The following CCNK variants were observed in gnomAD, a reference collection of about 807,000 sequenced individuals.
CCNK encodes the protein cyclin-K.
In CCNK, 9 loss-of-function variants were observed where a neutral mutation model predicts 65.0. That is an observed-to-expected ratio of 0.14 (90% confidence interval 0.08 to 0.24). CCNK has a LOEUF of 0.24. Among genes scored for constraint, CCNK ranks in the 10% least tolerant of loss-of-function variants. The pLI is 1.00. For missense variants in CCNK, 474 were observed against 720.0 expected (o/e 0.66, Z 3.91); for synonymous variants, 279 against 270.8 (o/e 1.03, Z -0.30).
At chr14:99,500,460 G>A (rs982144096) in intron 4 of CCNK, 10 of 203,228 alleles carry the variant, frequency 4.9e-5, no homozygotes, top group South Asian at 1.6e-4. Context: ...TATCAATAAC[G>A]TAAAGATCTG....
At chr14:99,505,425 A>G (rs1434964988) in intron 9 of CCNK, 1 of 152,272 alleles carries the variant, frequency 6.6e-6, no homozygotes, top group Non-Finnish European at 1.5e-5. Context: ...GATTTCCAAG[A>G]AAGGAGAACG....
chr14:99,493,391 C>G, intron 2 of CCNK, 123 bp from the exon 3 acceptor site: 1 of 562,714 alleles, frequency 1.8e-6, no homozygotes, highest in Non-Finnish European at 3.1e-6. Context: ...CATTACTTTG[C>G]CACTAATATT....
At chr14:99,490,679 G>C (rs1268467969) in intron 1 of CCNK, among the ~76,000 whole-genome samples, 1 of 152,064 alleles carries the variant, frequency 6.6e-6, no homozygotes, top group African/African-American at 2.4e-5. Flanking sequence ...TGTAATTCCA[G>C]CACTTTGGGA....
At chr14:99,500,316 A>G (rs1474416807) in intron 4 of CCNK, 7 of 190,572 alleles carry the variant, frequency 3.7e-5, no homozygotes, top group Non-Finnish European at 6.5e-5. Context: ...ACACACTGGT[A>G]CAATTTATCT....
Position 99,502,961 on chromosome 14 carries a change from C to G in CCNK, c.988C>G (p.Pro330Ala). 6.2e-7 allele frequency: 1 copy of G among 1,613,990 alleles called. No homozygotes were observed. Among genetic ancestry groups the G allele is most frequent in the Non-Finnish European group, 8.5e-7 (1 of 1,179,896 alleles). ...GAAACCCTCTCCGCAGCCCAGTTCT[C>G]CCCGACAGGTTAAGCGAGCCGTGGT... Reference protein sequence around the residue: ...PKKPSPQPSSPRQVKRAVVVS... With the variant: ...PKKPSPQPSSARQVKRAVVVS... The change falls in exon 8 of 11, where the codon CCC (proline) becomes GCC (alanine). Residue 330 changes from proline to alanine, a missense_variant. Physicochemically the swap from Pro to Ala is conservative, Grantham distance 27 (BLOSUM62 -1). Around this residue, in one of 6 missense-constraint regions of CCNK, gnomAD observed 229 missense variants for 275.5 expected, o/e 0.83. Coordinates refer to ENST00000389879, the MANE Select transcript of CCNK (RefSeq NM_001099402.2).
At chr14:99,503,761 C>G in intron 9 of CCNK, 117 bp downstream of exon 9, 1 of 864,060 alleles carries the variant, frequency 1.2e-6, no homozygotes, top group Non-Finnish European at 1.8e-6. Context: ...AACTTTAGAG[C>G]TCATACAAAA....
intron 4 of CCNK, among the ~76,000 whole-genome samples, chr14:99,497,165 G>A (rs1049990122): frequency 5.3e-5 from 8 of 151,988 alleles, no homozygotes; most frequent in East Asian, 3.9e-4. Context: ...TTGGACATAC[G>A]TATAGTAACA....
At chr14:99,503,721 C>T (rs776103620) in intron 9 of CCNK, 77 bp downstream of exon 9, 7 of 1,272,944 alleles carry the variant, frequency 5.5e-6, no homozygotes, top group Non-Finnish European at 7.7e-6. Context: ...AACATTGTTT[C>T]TTTTCAGATC....
Position 99,500,871 on chromosome 14 carries a change from G to T in CCNK, c.517G>T (p.Gly173Cys). 1 of 1,507,436 alleles carries T rather than the reference G, an allele frequency of 6.6e-7. No individual in the cohort carries two copies. The highest frequency in any genetic ancestry group is 2.2e-5 in the Admixed American group (1 of 45,338). 93.4% of individuals were successfully genotyped at this position (1,507,436 alleles called of 1,614,324 possible). A position where few individuals can be genotyped will look rare whatever the true frequency, so the allele number is the denominator to read the frequency against. ...FLLKYAKQLK[G>C]DKNKIQKLVQ... ...ACTAAAATATGCAAAGCAACTCAAA[G>T]GTAAGAAGAAAGTTTTCAGAAGAAT... Residue 173 changes from glycine (G) to cysteine (C), a missense_variant and splice_region_variant, in exon 5 of 11, where the codon GGT (glycine) becomes TGT (cysteine). Physicochemically the swap from Gly to Cys is radical, Grantham distance 159. Coordinates refer to ENST00000389879, the MANE Select transcript of CCNK (RefSeq NM_001099402.2).
intron 4 of CCNK, among the ~76,000 whole-genome samples, chr14:99,496,450 C>T (rs889916914): frequency 1.3e-5 from 2 of 152,198 alleles, no homozygotes; most frequent in African/African-American, 4.8e-5. Context: ...GTGGCTCACG[C>T]CTGTAATCCC....
Position 99,501,256 on chromosome 14 carries a change from T to C in CCNK, c.518-100T>C, listed in dbSNP as rs892518510. On this transcript the variant is annotated intron_variant, in intron 5 of 10. Coordinates refer to ENST00000389879, the MANE Select transcript of CCNK (RefSeq NM_001099402.2). ...CACGCAAAAGCTCTTTGCTGTGTAT[T>C]TGAGTGGTGCTGAACACGTGGTAGG... 3 of 776,098 alleles carry C rather than the reference T, an allele frequency of 3.9e-6. No individual in the cohort carries two copies. In the African/African-American group the frequency reaches 5.1e-5, roughly 13 times the overall value. The allele number at this position is 776,098 out of a possible 1,614,324, so 48.1% of individuals were successfully genotyped here. A position where few individuals can be genotyped will look rare whatever the true frequency, so the allele number is the denominator to read the frequency against.
chr14:99,487,056 A>C (rs556490944), intron 1 of CCNK, among the ~76,000 whole-genome samples: 1 of 152,364 alleles, frequency 6.6e-6, no homozygotes, highest in Non-Finnish European at 1.5e-5. Context: ...AAGTACATGG[A>C]AAACTGTTAG....
At chr14:99,503,135 G>A (rs1896881020) in intron 8 of CCNK, 151 bp downstream of exon 8, 3 of 907,064 alleles carry the variant, frequency 3.3e-6, no homozygotes, top group Non-Finnish European at 5.3e-6. Flanking sequence ...TCGGTGGGGA[G>A]CCTGAAAACA....
chr14:99,481,665 A>T (rs1896327984), intron 1 of CCNK, 186 bp downstream of exon 1: 1 of 389,168 alleles, frequency 2.6e-6, no homozygotes, highest in African/African-American at 2.1e-5. Flanking sequence ...GGGCGTGTAG[A>T]GAGGGTCTGA....
intron 1 of CCNK, among the ~76,000 whole-genome samples, chr14:99,490,703 G>A (rs1053232878): frequency 3.9e-5 from 6 of 152,106 alleles, no homozygotes; most frequent in South Asian, 4.2e-4. Flanking sequence ...CGAGGCAGGC[G>A]GATCACGAGG....
intron 4 of CCNK, among the ~76,000 whole-genome samples, chr14:99,497,031 C>A (rs1238076551): frequency 6.8e-6 from 1 of 146,808 alleles, no homozygotes; most frequent in East Asian, 2.1e-4. Context: ...CAGCTTCCCC[C>A]ATTTTCAGCA....
Position 99,506,754 on chromosome 14 carries a change from C to T in CCNK, c.1046-322C>T, listed in dbSNP as rs546104480. 166 of 365,380 alleles carry T rather than the reference C, an allele frequency of 4.5e-4. 1 individual carries two copies. Among genetic ancestry groups the T allele is most frequent in the Admixed American group, 2.0e-3 (51 of 25,940 alleles). 22.6% of individuals were successfully genotyped at this position (365,380 alleles called of 1,614,324 possible). A position where few individuals can be genotyped will look rare whatever the true frequency, so the allele number is the denominator to read the frequency against. ...CAGGGAGGACTCCAGATAGGTCATACATGCTCATGAAGACGTTGCTCTGCT... is the reference window on the plus strand; with the variant it reads ...CAGGGAGGACTCCAGATAGGTCATATATGCTCATGAAGACGTTGCTCTGCT... On this transcript the variant is annotated intron_variant, in intron 9 of 10. Coordinates refer to ENST00000389879, the MANE Select transcript of CCNK (RefSeq NM_001099402.2).
At chr14:99,491,695 C>G (rs1361731601) in intron 1 of CCNK, among the ~76,000 whole-genome samples, 21 of 152,204 alleles carry the variant, frequency 1.4e-4, no homozygotes, top group Admixed American at 6.5e-5. Flanking sequence ...AGAAATGAGG[C>G]AGATACACAG....
intron 1 of CCNK, among the ~76,000 whole-genome samples, chr14:99,484,221 T>C (rs1896427076): frequency 6.6e-6 from 1 of 152,258 alleles, no homozygotes; most frequent in Admixed American, 6.5e-5. Context: ...GCTTGCTAGC[T>C]GTGAATTAGT....
Sources: gnomAD v4.1 joint callset for allele counts (sites outside exome capture counted in the v4.1 genomes callset) on GRCh38, gnomAD v4.1.1 for gene constraint, gnomAD v4.1.1 regional missense constraint, MANE v1.5 for transcripts, NCBI Gene and HGNC (gene_info 2026-07-23, HGNC 2026-07-21) for gene names.